The following WDPCP variants were observed in gnomAD, a reference collection of about 807,000 sequenced individuals.
WDPCP encodes the protein WD repeat-containing and planar cell polarity effector protein fritz homolog.
Under a neutral mutation model 93.1 loss-of-function variants are expected in WDPCP, and 71 were observed. That is an observed-to-expected ratio of 0.76 (90% confidence interval 0.63 to 0.93). WDPCP has a LOEUF of 0.93. WDPCP is among the 40% of genes least tolerant of loss of function. The probability of loss-of-function intolerance (pLI) is 0.00; values close to 1 mark genes in which losing one functional copy is unlikely to be tolerated. For synonymous variants in WDPCP, 315 were observed against 315.0 expected, an observed-to-expected ratio of 1.00 and a Z score of 0.00; for missense variants, 844 against 887.4, an observed-to-expected ratio of 0.95 and a Z score of 0.62.
intron 2 of WDPCP, among the ~76,000 whole-genome samples, chr2:63,662,021 A>C (rs1395033841): frequency 6.6e-6 from 1 of 152,228 alleles, no homozygotes; most frequent in Non-Finnish European, 1.5e-5. Flanking sequence ...GAGGGGAAGC[A>C]TAAAATCTTA....
At chr2:63,823,737 C>T (rs1336442581) in intron 1 of WDPCP, among the ~76,000 whole-genome samples, 2 of 152,024 alleles carry the variant, frequency 1.3e-5, no homozygotes, top group Non-Finnish European at 2.9e-5. Flanking sequence ...TTTTGATAAC[C>T]AAATTTTGTT....
intron 1 of WDPCP, chr2:63,564,235 T>C (rs1205829760): frequency 6.6e-6 from 1 of 152,214 alleles, no homozygotes; most frequent in African/African-American, 2.4e-5. Context: ...CTCATTTCAT[T>C]AGATGACAGA....
At chr2:63,167,617 G>C (rs1178596314) in intron 15 of WDPCP, among the ~76,000 whole-genome samples, 1 of 152,118 alleles carries the variant, frequency 6.6e-6, no homozygotes, top group Non-Finnish European at 1.5e-5. Context: ...TGATTGGAGA[G>C]TGTTTGTAAT....
At chr2:63,695,092 T>C (rs1455238093) in intron 2 of WDPCP, among the ~76,000 whole-genome samples, 1 of 152,236 alleles carries the variant, frequency 6.6e-6, no homozygotes, top group Non-Finnish European at 1.5e-5. Flanking sequence ...GGCATTATCT[T>C]ATTTCTCTTA....
intron 12 of WDPCP, among the ~76,000 whole-genome samples, chr2:63,356,951 G>A (rs1452370738): frequency 6.6e-6 from 1 of 152,188 alleles, no homozygotes; most frequent in Non-Finnish European, 1.5e-5. Flanking sequence ...AAACAGAAGA[G>A]AGAGACCAGA....
chr2:63,152,765 T>C (rs1452801463), intron 17 of WDPCP, 149 bp downstream of exon 17: 21 of 606,024 alleles, frequency 3.5e-5, no homozygotes, highest in Non-Finnish European at 5.5e-5. Flanking sequence ...AAGCTGTTAG[T>C]GTAGTTAATA....
chr2:63,573,380 G>A (rs1384350610), intron 1 of WDPCP, among the ~76,000 whole-genome samples: 1 of 152,180 alleles, frequency 6.6e-6, no homozygotes, highest in Non-Finnish European at 1.5e-5. Context: ...GGATTGTGAA[G>A]ATTTCATGGA....
intron 1 of WDPCP, among the ~76,000 whole-genome samples, chr2:63,826,013 C>T (rs1671107938): frequency 6.6e-6 from 1 of 151,970 alleles, no homozygotes; most frequent in South Asian, 2.1e-4. Flanking sequence ...AATTAAAACA[C>T]ATCAACAAAT....
intron 9 of WDPCP, among the ~76,000 whole-genome samples, chr2:63,424,354 C>T (rs1696095903): frequency 6.6e-6 from 1 of 152,062 alleles, no homozygotes; most frequent in Non-Finnish European, 1.5e-5. Context: ...GTAGTTCTAT[C>T]CCCCAACTGA....
Position 63,492,892 on chromosome 2 carries a change from G to T in WDPCP, c.124C>A (p.His42Asn). Residue 42 changes from histidine to asparagine, a missense_variant, in exon 2 of 18, where the codon CAC (histidine) becomes AAC (asparagine). Transcript: ENST00000272321. ...HQMSFCLTEL[H>N]LWSLKNTLHI... is the part of the protein sequence containing the mutation. ...AAGGTATTCTTCAAAGACCACAGGT[G>T]CAGTTCAGTCAAGCAGAAAGACATC... 1.2e-6 allele frequency: 2 copies of T among 1,613,666 alleles called. No individual in the cohort carries two copies. The highest frequency in any genetic ancestry group is 2.2e-5 in the South Asian group (2 of 91,082).
intron 3 of WDPCP, among the ~76,000 whole-genome samples, chr2:63,646,740 G>A (rs759783089): frequency 9.9e-5 from 15 of 152,118 alleles, no homozygotes; most frequent in Non-Finnish European, 1.9e-4. Context: ...TCTCTCTCCT[G>A]CCTGTAAAGT....
chr2:63,686,344 G>C (rs969712164), intron 2 of WDPCP, among the ~76,000 whole-genome samples: 3 of 152,226 alleles, frequency 2.0e-5, no homozygotes, highest in East Asian at 3.9e-4. Flanking sequence ...ACCTGTTTAT[G>C]ATAGCTACAA....
At chr2:63,394,927 C>T (rs1168200677) in intron 10 of WDPCP, among the ~76,000 whole-genome samples, 2 of 152,020 alleles carry the variant, frequency 1.3e-5, no homozygotes, top group Non-Finnish European at 2.9e-5. Flanking sequence ...GAAAAACTGC[C>T]TATTGAATAC....
chr2:63,224,636 A>G (rs1017000782), intron 14 of WDPCP, among the ~76,000 whole-genome samples: 3 of 152,038 alleles, frequency 2.0e-5, no homozygotes, highest in African/African-American at 4.8e-5. Context: ...AAAGAAGCCA[A>G]TCTGAAAAGG....
At chr2:63,142,817 G>GGTGTGT (rs143419326) in intron 17 of WDPCP, among the ~76,000 whole-genome samples, 20 of 146,478 alleles carry the variant, frequency 1.4e-4, no homozygotes, top group South Asian at 2.2e-4. Flanking sequence ...CAGTGTTAGG[G>GGTGTGT]GTGTGTGTGT....
At chr2:63,423,639 A>T (rs1330885757) in intron 9 of WDPCP, among the ~76,000 whole-genome samples, 1 of 152,198 alleles carries the variant, frequency 6.6e-6, no homozygotes, top group Non-Finnish European at 1.5e-5. Context: ...ACATCTGAAA[A>T]GTTAAAGTAC....
intron 9 of WDPCP, among the ~76,000 whole-genome samples, chr2:63,411,350 A>G (rs1046690349): frequency 3.5e-4 from 53 of 152,142 alleles, no homozygotes; most frequent in African/African-American, 1.1e-3. Flanking sequence ...CAATGACACA[A>G]CCTACAAAAA....
At chr2:63,482,530 C>T (rs899161239) in intron 6 of WDPCP, among the ~76,000 whole-genome samples, 3 of 151,876 alleles carry the variant, frequency 2.0e-5, no homozygotes, top group African/African-American at 4.8e-5. Context: ...GGGTTCATTC[C>T]CTTAAGCTAA....
In WDPCP at chr2:63,121,899, T is replaced by A. The variant is rs2153393704; in HGVS notation, c.*107A>T. On this transcript the variant is annotated 3_prime_UTR_variant, in exon 18 of 18. Coordinates refer to ENST00000272321, the MANE Select transcript of WDPCP (RefSeq NM_015910.7). ...ACTCAAAACTCTTAACTAATTTATATGATTCATACTGTCTCTTGTTAAAAA... is the reference window on the plus strand; with the variant it reads ...ACTCAAAACTCTTAACTAATTTATAAGATTCATACTGTCTCTTGTTAAAAA... 1 of 1,540,696 alleles carries A rather than the reference T, an allele frequency of 6.5e-7. No individual in the cohort carries two copies. Among genetic ancestry groups the A allele is most frequent in the African/African-American group, 1.4e-5 (1 of 72,110 alleles).
Sources: gnomAD v4.1 joint callset for allele counts (sites outside exome capture counted in the v4.1 genomes callset) on GRCh38, gnomAD v4.1.1 for gene constraint, MANE v1.5 for transcripts, NCBI Gene and HGNC (gene_info 2026-07-23, HGNC 2026-07-21) for gene names.